SLC25A10: variants seen among roughly 807,000 people sequenced by gnomAD.
SLC25A10 encodes mitochondrial dicarboxylate carrier.
Under a neutral mutation model 40.4 loss-of-function variants are expected in SLC25A10, and 32 were observed. That is an observed-to-expected ratio of 0.79 (90% CI 0.60 to 1.06). SLC25A10 has a LOEUF of 1.06. Among genes scored for constraint, SLC25A10 ranks in the 50% least tolerant of loss-of-function variants. SLC25A10 has a pLI of 0.00. For synonymous variants in SLC25A10, 181 were observed against 171.1 expected (o/e 1.06, Z -0.45); for missense variants, 394 against 402.6 (o/e 0.98, Z 0.18).
At position 81,717,084 on chromosome 17, in the gene SLC25A10, G is replaced by A; in HGVS notation, c.534+12G>A. 1 of 1,613,232 alleles carries A rather than the reference G, an allele frequency of 6.2e-7. No individual in the cohort carries two copies. Among genetic ancestry groups the A allele is most frequent in the Non-Finnish European group, 8.5e-7 (1 of 1,179,610 alleles). ...TCACTGTGGGCCAGGTAGGCCTCCT[G>A]CGTGGGGTGGGTGTGGGCAGTGCCT... On this transcript the variant is annotated intron_variant, in intron 7 of 10. Transcript: ENST00000350690.
chr17:81,716,965 C>G (rs1345759197), intron 6 of SLC25A10, 37 bp from the exon 7 acceptor site: 1 of 1,456,134 alleles, frequency 6.9e-7, no homozygotes, highest in Non-Finnish European at 9.6e-7. Flanking sequence ...GGCCTCACCC[C>G]TTGCCTCACC....
At position 81,712,334 on chromosome 17, in the gene SLC25A10, C is replaced by A. The variant is rs1309907721; in HGVS notation, c.-93C>A. 3.4e-5 allele frequency: 29 copies of A among 864,344 alleles called. No homozygotes were observed. Among genetic ancestry groups the A allele is most frequent in the Non-Finnish European group, 4.3e-5 (29 of 675,068 alleles). 53.5% of individuals were successfully genotyped at this position (864,344 alleles called of 1,614,324 possible). A position where few individuals can be genotyped will look rare whatever the true frequency, so the allele number is the denominator to read the frequency against. On this transcript the variant is annotated 5_prime_UTR_variant, in exon 1 of 11. Coordinates refer to ENST00000350690, the MANE Select transcript of SLC25A10 (RefSeq NM_012140.5). ...CGCGGGCGGCGCTTTGAACCGGGCGCGGGGCGCGGGGCGCGGGGCGCTGCG... is the reference window on the plus strand; with the variant it reads ...CGCGGGCGGCGCTTTGAACCGGGCGAGGGGCGCGGGGCGCGGGGCGCTGCG...
rs748348373 is a variant in SLC25A10, at chr17:81,720,034, T to A, written c.821T>A (p.Leu274Gln). Residue 274 changes from leucine (L) to glutamine (Q), a missense_variant, in exon 11 of 11, where the codon CTG becomes CAG. Transcript: ENST00000350690. ...CACACCGTGCTCACTTTTGTGTTTC[T>A]GGAACAGCTACGCAAAAACTTTGGC... Reference protein sequence around the residue: ...IPHTVLTFVFLEQLRKNFGIK... With the variant: ...IPHTVLTFVFQEQLRKNFGIK... 5.0e-6 allele frequency: 8 copies of A among 1,613,574 alleles called. No individual in the cohort carries two copies. Among genetic ancestry groups the A allele is most frequent in the Non-Finnish European group, 6.8e-6 (8 of 1,180,036 alleles).
chr17:81,712,789 T>A (rs950806434), intron 1 of SLC25A10, among the ~76,000 whole-genome samples: 2 of 152,228 alleles, frequency 1.3e-5, no homozygotes, highest in African/African-American at 4.8e-5. Flanking sequence ...CAGCCCCAGC[T>A]CTACACTTTA....
chr17:81,717,252 G>C, intron 7 of SLC25A10, 147 bp from the exon 8 acceptor site: 2 of 1,000,786 alleles, frequency 2.0e-6, no homozygotes, highest in Non-Finnish European at 1.5e-6. Context: ...GAAGGACCTC[G>C]GGCAGGTGCC....
rs1211416952 is a variant in SLC25A10, at chr17:81,716,982, C to T, written c.464-20C>T. 6.2e-7 allele frequency: 1 copy of T among 1,613,130 alleles called. No homozygotes were observed. The highest frequency in any genetic ancestry group is 1.7e-5 in the Admixed American group (1 of 59,930). On this transcript the variant is annotated intron_variant, in intron 6 of 10. Coordinates refer to ENST00000350690, the MANE Select transcript of SLC25A10 (RefSeq NM_012140.5). ...CCTCACCCCTTGCCTCACCCCTTGC[C>T]TCACCCCTTCCTTGTGCAGAGGGTC...
rs1050071596 is a variant in SLC25A10 at position 81,712,306 on chromosome 17, G to T, written c.-121G>T. The stretch of plus-strand genomic sequence containing the variant: ...CGCGCATTGGCTGTGCGGGGTGCGG[G>T]CGCGCGGGCGGCGCTTTGAACCGGG... On this transcript the variant is annotated 5_prime_UTR_variant, in exon 1 of 11. Coordinates refer to ENST00000350690, the MANE Select transcript of SLC25A10 (RefSeq NM_012140.5). 1 of 513,622 alleles carries T rather than the reference G, an allele frequency of 1.9e-6. No homozygotes were observed. The highest frequency in any genetic ancestry group is 2.7e-6 in the Non-Finnish European group (1 of 371,592). 31.8% of individuals were successfully genotyped at this position (513,622 alleles called of 1,614,324 possible). A position where few individuals can be genotyped will look rare whatever the true frequency, so the allele number is the denominator to read the frequency against.
rs143381345 is a variant in SLC25A10, at chr17:81,720,299, C to G, written c.*222C>G. 24 of 1,435,144 alleles carry G rather than the reference C, an allele frequency of 1.7e-5. No homozygotes were observed. The highest frequency in any genetic ancestry group is 2.2e-5 in the Non-Finnish European group (24 of 1,100,064). The allele number at this position is 1,435,144 out of a possible 1,614,324, so 88.9% of individuals were successfully genotyped here. On this transcript the variant is annotated 3_prime_UTR_variant, in exon 11 of 11. Transcript: ENST00000350690. ...CCCCGCTCTGGCTACCAGGCTCTCC[C>G]GGCTGGGCACTGCGTGGCCTTGCCC...
chr17:81,717,085 CGTGGGGTGGGT>C lies in SLC25A10; in HGVS notation c.534+19_534+29del. 1 of 1,612,948 alleles carries C rather than the reference CGTGGGGTGGGT, an allele frequency of 6.2e-7. No individual in the cohort carries two copies. The highest frequency in any genetic ancestry group is 8.5e-7 in the Non-Finnish European group (1 of 1,179,388). Reference sequence around the variant, plus strand: ...CACTGTGGGCCAGGTAGGCCTCCTGCGTGGGGTGGGTGTGGGCAGTGCCTGTGACCACTGAC... The same window carrying C: ...CACTGTGGGCCAGGTAGGCCTCCTGCGTGGGCAGTGCCTGTGACCACTGAC... On this transcript the variant is annotated intron_variant, in intron 7 of 10. Coordinates refer to ENST00000350690, the MANE Select transcript of SLC25A10 (RefSeq NM_012140.5).
chr17:81,716,097 C>T lies in SLC25A10; in HGVS notation c.419+47C>T, dbSNP rs776645269. On this transcript the variant is annotated intron_variant, in intron 5 of 10. Transcript: ENST00000350690. ...CGGGGTGGTTGAGGTGCAGGAGGCT[C>T]GGGCGGGAGCGGACCCCTGGCTGCT... The T allele has an allele frequency of 2.2e-5, 35 of 1,556,408 alleles. No homozygotes were observed. The East Asian group carries it at 4.3e-4, about 19-fold the overall frequency.
At chr17:81,717,139 C>T in intron 7 of SLC25A10, 67 bp downstream of exon 7, 1 of 1,545,288 alleles carries the variant, frequency 6.5e-7, no homozygotes, top group South Asian at 1.1e-5. Flanking sequence ...TTCAGAGGGG[C>T]CATAGAACAA....
At chr17:81,716,509 G>A (rs1043671315) in intron 5 of SLC25A10, among the ~76,000 whole-genome samples, 1 of 152,170 alleles carries the variant, frequency 6.6e-6, no homozygotes, top group African/African-American at 2.4e-5. Context: ...TTCTAGCTGT[G>A]CACACAGACT....
chr17:81,712,622 C>T, intron 1 of SLC25A10, 103 bp downstream of exon 1: 1 of 843,438 alleles, frequency 1.2e-6, no homozygotes, highest in Non-Finnish European at 1.6e-6. Flanking sequence ...TCGCCGCGCC[C>T]GGGGCTCCCT....
chr17:81,718,465 A>T (rs2037528741), intron 9 of SLC25A10, among the ~76,000 whole-genome samples: 1 of 152,070 alleles, frequency 6.6e-6, no homozygotes, highest in Non-Finnish European at 1.5e-5. Context: ...AGCCTGGGCC[A>T]CAAGAGTGAA....
At position 81,720,368 on chromosome 17, in the gene SLC25A10, G is replaced by T; in HGVS notation, c.*291G>T. The T allele has an allele frequency of 7.1e-7, 1 of 1,410,572 alleles. No individual in the cohort carries two copies. Among genetic ancestry groups the T allele is most frequent in the Non-Finnish European group, 9.2e-7 (1 of 1,088,610 alleles). The allele number at this position is 1,410,572 out of a possible 1,614,324, so 87.4% of individuals were successfully genotyped here. A position where few individuals can be genotyped will look rare whatever the true frequency, so the allele number is the denominator to read the frequency against. On this transcript the variant is annotated 3_prime_UTR_variant, in exon 11 of 11. Transcript: ENST00000350690. ...CTCAGGGGAACAGGGGCTACCAGAG[G>T]CTGATTTCTCCCCTCTCCTGGGCCA... is the stretch of plus-strand genomic sequence containing the variant.
At position 81,720,348 on chromosome 17, in the gene SLC25A10, G is replaced by T; in HGVS notation, c.*271G>T. ...CCCTCTCCCGCTGGCAGCTCCTCAG[G>T]GGAACAGGGGCTACCAGAGGCTGAT... On this transcript the variant is annotated 3_prime_UTR_variant, in exon 11 of 11. Coordinates refer to ENST00000350690, the MANE Select transcript of SLC25A10 (RefSeq NM_012140.5). 1 of 1,420,942 alleles carries T rather than the reference G, an allele frequency of 7.0e-7. No individual in the cohort carries two copies. The highest frequency in any genetic ancestry group is 9.1e-7 in the Non-Finnish European group (1 of 1,093,286). The allele number at this position is 1,420,942 out of a possible 1,614,324, so 88.0% of individuals were successfully genotyped here.
rs543299664 is a variant in SLC25A10 at position 81,712,328 on chromosome 17, CGGGCGCG to C, written c.-78_-72del. 2,163 of 847,720 alleles carry C rather than the reference CGGGCGCG, an allele frequency of 2.6e-3. 40 individuals are homozygous for C. In the African/African-American group the frequency reaches 0.034, roughly 13 times the overall value. 52.5% of individuals were successfully genotyped at this position (847,720 alleles called of 1,614,324 possible). Reference sequence around the variant, plus strand: ...CGGGCGCGCGGGCGGCGCTTTGAACCGGGCGCGGGGCGCGGGGCGCGGGGCGCTGCGG... The same window carrying C: ...CGGGCGCGCGGGCGGCGCTTTGAACCGGGCGCGGGGCGCGGGGCGCTGCGG... On this transcript the variant is annotated 5_prime_UTR_variant, in exon 1 of 11. Transcript: ENST00000350690.
At position 81,720,938 on chromosome 17, in the gene SLC25A10, C is replaced by G. The variant is rs375298005; in HGVS notation, c.*861C>G. The G allele has an allele frequency of 6.4e-6, 1 of 157,306 alleles. No individual in the cohort carries two copies. The highest frequency in any genetic ancestry group is 1.4e-5 in the Non-Finnish European group (1 of 71,746). The allele number at this position is 157,306 out of a possible 1,614,324, so 9.7% of individuals were successfully genotyped here. ...ATGCTGCATCCTCTGCCTCCCTGGT[C>G]GCTGGGCTTCACCCCACCTGGGAAG... On this transcript the variant is annotated 3_prime_UTR_variant, in exon 11 of 11. Coordinates refer to ENST00000350690, the MANE Select transcript of SLC25A10 (RefSeq NM_012140.5).
intron 9 of SLC25A10, among the ~76,000 whole-genome samples, chr17:81,719,076 C>T (rs1444896585): frequency 2.0e-5 from 3 of 151,026 alleles, no homozygotes; most frequent in African/African-American, 7.3e-5. Context: ...GGATTACAGG[C>T]GCCCGCCACC....
Sources: allele counts gnomAD v4.1 joint callset (sites outside exome capture counted in the v4.1 genomes callset), GRCh38; gene constraint gnomAD v4.1.1; transcripts MANE v1.5; gene names NCBI Gene and HGNC (gene_info 2026-07-23, HGNC 2026-07-21).